The following HIVEP3 variants were observed in gnomAD, a reference collection of about 807,000 sequenced individuals.
HIVEP3 encodes the protein HIVEP zinc finger 3, also known as transcription factor HIVEP3.
HIVEP3 carries 49 observed loss-of-function variants against 152.8 expected under a neutral mutation model. The ratio of observed to expected loss-of-function variants is 0.32; its 90% confidence interval spans 0.26 to 0.41. HIVEP3 has a LOEUF of 0.41. Ranked by LOEUF, HIVEP3 falls within the 10% of genes least tolerant of loss-of-function variation. The pLI, the probability that HIVEP3 is intolerant of heterozygous loss-of-function variation, is 1.00. For missense variants in HIVEP3, 2,790 were observed against 3,103.3 expected (o/e 0.90, Z 2.40); for synonymous variants, 1,269 against 1,289.0 (o/e 0.98, Z 0.33).
intron 1 of HIVEP3, among the ~76,000 whole-genome samples, chr1:41,859,643 C>T (rs914133262): frequency 4.6e-5 from 7 of 152,158 alleles, no homozygotes; most frequent in Non-Finnish European, 8.8e-5. Flanking sequence ...ACACATATTG[C>T]CAAATAGTCT....
At chr1:41,689,609 C>G (rs574299498) in intron 2 of HIVEP3, among the ~76,000 whole-genome samples, 16 of 152,344 alleles carry the variant, frequency 1.1e-4, no homozygotes, top group Admixed American at 3.9e-4. Context: ...GTACCCTTTG[C>G]TTTGCTTCCT....
chr1:41,911,312 G>A (rs1174912002), intron 1 of HIVEP3, among the ~76,000 whole-genome samples: 3 of 152,166 alleles, frequency 2.0e-5, no homozygotes, highest in African/African-American at 7.2e-5. Flanking sequence ...ATTAGATACT[G>A]TTACACATCC....
chr1:41,650,411 C>G (rs1460635557), intron 2 of HIVEP3, among the ~76,000 whole-genome samples: 2 of 152,172 alleles, frequency 1.3e-5, no homozygotes, highest in African/African-American at 4.8e-5. Context: ...GAAGAAGAGG[C>G]TAGAAGCATT....
chr1:41,674,083 G>T lies in HIVEP3; in HGVS notation c.-721+26833C>A, dbSNP rs969721912. On this transcript the variant is annotated intron_variant, in intron 2 of 8. Transcript: ENST00000372583. ...TGGCTGGGGCCGACCTCCCCAGAGG[G>T]GCTTGTCAGATGAAGCCAGAAGCAG... 3.9e-5 allele frequency among the ~76,000 whole-genome samples: 6 copies of T among 152,242 alleles called. No homozygotes were observed. The South Asian group carries it at 1.2e-3, about 32-fold the overall frequency.
chr1:41,597,741 C>T (rs1055012528), intron 3 of HIVEP3, among the ~76,000 whole-genome samples: 2 of 152,174 alleles, frequency 1.3e-5, no homozygotes, highest in African/African-American at 2.4e-5. Context: ...TTTTAGCAGC[C>T]TTCCTTTCCT....
chr1:41,963,675 A>T (rs116625592), intron 1 of HIVEP3, among the ~76,000 whole-genome samples: 11 of 150,292 alleles, frequency 7.3e-5, no homozygotes, highest in South Asian at 2.1e-4. Context: ...AAAGTATAAT[A>T]AAAAAAAAAT....
intron 1 of HIVEP3, among the ~76,000 whole-genome samples, chr1:41,943,599 T>C (rs1353929944): frequency 2.0e-5 from 3 of 152,208 alleles, no homozygotes; most frequent in Non-Finnish European, 4.4e-5. Context: ...TAACATTATC[T>C]GTGTGCCTAA....
chr1:41,646,655 G>A (rs2123999858), intron 2 of HIVEP3, among the ~76,000 whole-genome samples: 1 of 152,296 alleles, frequency 6.6e-6, no homozygotes, highest in Admixed American at 6.5e-5. Context: ...TAAAACAGAA[G>A]AGCACGACTA....
At chr1:42,018,169 T>C (rs1645534373) in intron 1 of HIVEP3, among the ~76,000 whole-genome samples, 1 of 151,944 alleles carries the variant, frequency 6.6e-6, no homozygotes, top group South Asian at 2.1e-4. Context: ...TATCTTCTCC[T>C]ACTCTGGGCT....
At chr1:41,697,852 CAT>C (rs1184152588) in intron 2 of HIVEP3, among the ~76,000 whole-genome samples, 5 of 152,194 alleles carry the variant, frequency 3.3e-5, no homozygotes, top group Non-Finnish European at 7.3e-5. Flanking sequence ...GAGCAAAAGA[CAT>C]AGTATCAACC....
intron 1 of HIVEP3, among the ~76,000 whole-genome samples, chr1:41,717,533 C>G (rs992028418): frequency 2.6e-5 from 4 of 152,180 alleles, no homozygotes; most frequent in African/African-American, 2.4e-5. Context: ...GGGGTGACAT[C>G]TGAGCAAAGG....
intron 1 of HIVEP3, among the ~76,000 whole-genome samples, chr1:41,721,430 T>A (rs921130525): frequency 1.3e-5 from 2 of 152,156 alleles, no homozygotes; most frequent in Admixed American, 1.3e-4. Context: ...GGTCTCGAAC[T>A]CCTGACCTCA....
chr1:41,977,461 C>A (rs1230600786), intron 1 of HIVEP3, among the ~76,000 whole-genome samples: 1 of 152,140 alleles, frequency 6.6e-6, no homozygotes, highest in Non-Finnish European at 1.5e-5. Context: ...TCAGGAGGTC[C>A]CACCTGCCAG....
chr1:41,710,783 C>T (rs1392899867), intron 1 of HIVEP3, among the ~76,000 whole-genome samples: 5 of 152,220 alleles, frequency 3.3e-5, no homozygotes, highest in African/African-American at 4.8e-5. Context: ...CTCCCCAATC[C>T]CTGTGGCCGT....
In HIVEP3 at chr1:41,694,446, G is replaced by T. The variant is rs147557384; in HGVS notation, c.-721+6470C>A. On this transcript the variant is annotated intron_variant, in intron 2 of 8. Transcript: ENST00000372583. Reference sequence around the variant, plus strand: ...GGTTGTCGGGGCTCTGGAGATATTTGCCGGGTGAATGAATGAATGAACAAG... The same window carrying T: ...GGTTGTCGGGGCTCTGGAGATATTTTCCGGGTGAATGAATGAATGAACAAG... Among the ~76,000 whole-genome samples, 11 of 152,260 alleles carry T rather than the reference G, an allele frequency of 7.2e-5. No homozygotes were observed. The East Asian group carries it at 2.1e-3, about 29-fold the overall frequency.
At chr1:41,931,453 T>C (rs1390448017) in intron 1 of HIVEP3, among the ~76,000 whole-genome samples, 1 of 152,060 alleles carries the variant, frequency 6.6e-6, no homozygotes. Flanking sequence ...CCACTGATTA[T>C]TGTATCTATC....
intron 1 of HIVEP3, among the ~76,000 whole-genome samples, chr1:41,833,515 C>T (rs1174783974): frequency 6.6e-6 from 1 of 152,178 alleles, no homozygotes; most frequent in African/African-American, 2.4e-5. Flanking sequence ...TAGTCCAAAG[C>T]ACAAAGGCAC....
chr1:41,908,642 T>C (rs1239885725), intron 1 of HIVEP3, among the ~76,000 whole-genome samples: 2 of 152,238 alleles, frequency 1.3e-5, no homozygotes, highest in Admixed American at 6.5e-5. Context: ...TTCTGAACGA[T>C]AGTGGATTCA....
intron 5 of HIVEP3, among the ~76,000 whole-genome samples, chr1:41,565,332 T>C (rs1316592020): frequency 6.8e-6 from 1 of 147,254 alleles, no homozygotes; most frequent in African/African-American, 2.5e-5. Context: ...TGTAGAGATA[T>C]GGCAAACCAA....
Sources: allele counts gnomAD v4.1 joint callset (sites outside exome capture counted in the v4.1 genomes callset), GRCh38; gene constraint gnomAD v4.1.1; transcripts MANE v1.5; gene names NCBI Gene and HGNC (gene_info 2026-07-23, HGNC 2026-07-21).